Variants in KAZN observed in about 807,000 individuals in gnomAD.
KAZN encodes the protein kazrin.
In KAZN, 40 loss-of-function variants were observed where a neutral mutation model predicts 87.4. That is an observed-to-expected ratio of 0.46 (90% CI 0.36 to 0.60). The LOEUF (loss-of-function observed/expected upper bound fraction) is 0.60, where lower values mean the gene tolerates loss of function less well. Among genes scored for constraint, KAZN ranks in the 20% least tolerant of loss-of-function variants. The pLI is 0.00. For missense variants in KAZN, 898 were observed against 1,073.9 expected (o/e 0.84, Z 2.29); for synonymous variants, 466 against 458.3 (o/e 1.02, Z -0.22).
chr1:14,754,114 G>C (rs896515224), intron 1 of KAZN, among the ~76,000 whole-genome samples: 1 of 152,194 alleles, frequency 6.6e-6, no homozygotes, highest in Non-Finnish European at 1.5e-5. Context: ...CTCCAGCCAC[G>C]GGGAAGAGTT....
intron 2 of KAZN, among the ~76,000 whole-genome samples, chr1:15,006,718 C>T (rs977976261): frequency 6.6e-6 from 1 of 152,056 alleles, no homozygotes; most frequent in African/African-American, 2.4e-5. Flanking sequence ...AAAAATAAAG[C>T]CAGGAAGAAG....
chr1:14,294,754 A>G (rs1333330829), intron 2 of KAZN, among the ~76,000 whole-genome samples: 6 of 151,080 alleles, frequency 4.0e-5, no homozygotes, highest in Non-Finnish European at 8.9e-5. Flanking sequence ...TAAAATGCCT[A>G]AAACCCCACG....
At chr1:14,806,848 TAC>T (rs1646239192) in intron 1 of KAZN, among the ~76,000 whole-genome samples, 2 of 152,182 alleles carry the variant, frequency 1.3e-5, no homozygotes, top group African/African-American at 4.8e-5. Flanking sequence ...GTAACATTTG[TAC>T]CCACTCTGCA....
intron 2 of KAZN, among the ~76,000 whole-genome samples, chr1:14,197,808 C>T (rs966476464): frequency 5.3e-5 from 8 of 152,030 alleles, no homozygotes; most frequent in African/African-American, 1.9e-4. Context: ...TGATAGATTC[C>T]CCCAGAAAAA....
At chr1:14,377,369 A>G (rs771232649) in intron 2 of KAZN, among the ~76,000 whole-genome samples, 8 of 152,222 alleles carry the variant, frequency 5.3e-5, no homozygotes, top group Non-Finnish European at 1.2e-4. Context: ...ACATCAGTGG[A>G]AAGACGGTGC....
At chr1:14,164,603 C>T (rs547846440) in intron 1 of KAZN, among the ~76,000 whole-genome samples, 10 of 145,274 alleles carry the variant, frequency 6.9e-5, no homozygotes, top group East Asian at 4.2e-4. Flanking sequence ...TGCAATGGCA[C>T]GATCTCGGCT....
At chr1:13,978,161 T>C (rs1369394979) in intron 1 of KAZN, among the ~76,000 whole-genome samples, 1 of 149,202 alleles carries the variant, frequency 6.7e-6, no homozygotes, top group Non-Finnish European at 1.5e-5. Context: ...AGGCAATTGT[T>C]GGATTCTTAA....
intron 2 of KAZN, among the ~76,000 whole-genome samples, chr1:14,200,484 A>C (rs1258030452): frequency 3.0e-4 from 46 of 152,204 alleles, no homozygotes; most frequent in Non-Finnish European, 7.3e-5. Flanking sequence ...CTTACTTGCT[A>C]ACATTTATTA....
In KAZN at chr1:15,069,647, A is replaced by T. The variant is rs72639873; in HGVS notation, c.1222+3894A>T. Reference sequence around the variant, plus strand: ...GTCTCAAAAAAATAAATAAATATTTAAAAAAGAATCTTCTCCAGGACCTTG... The same window carrying T: ...GTCTCAAAAAAATAAATAAATATTTTAAAAAGAATCTTCTCCAGGACCTTG... On this transcript the variant is annotated intron_variant, in intron 8 of 14. Transcript: ENST00000376030. Among the ~76,000 whole-genome samples the T allele has an allele frequency of 8.1e-3, 1,238 of 152,322 alleles. 29 individuals are homozygous for T. The highest frequency in any genetic ancestry group is 0.073 in the East Asian group (378 of 5,180).
chr1:15,060,449 C>G lies in KAZN; in HGVS notation c.1047+147C>G, dbSNP rs1258483513. The G allele has an allele frequency of 2.2e-5, 24 of 1,111,760 alleles. No homozygotes were observed. In the South Asian group the frequency reaches 3.4e-4, roughly 16 times the overall value. 68.9% of individuals were successfully genotyped at this position (1,111,760 alleles called of 1,614,324 possible). The stretch of plus-strand genomic sequence containing the variant: ...AATGCATTTCCTGTTCTGTTCTTTC[C>G]TTTTGCAAGAAGCGATGGATGTGGG... On this transcript the variant is annotated intron_variant, in intron 6 of 14. Coordinates refer to ENST00000376030, the MANE Select transcript of KAZN (RefSeq NM_201628.3).
At chr1:14,800,860 C>T (rs1303835587) in intron 1 of KAZN, among the ~76,000 whole-genome samples, 3 of 151,982 alleles carry the variant, frequency 2.0e-5, no homozygotes, top group Non-Finnish European at 4.4e-5. Context: ...AAAGTAGCTT[C>T]GTAGTTGCCG....
At chr1:14,637,773 AT>A (rs1680104287) in intron 1 of KAZN, among the ~76,000 whole-genome samples, 1 of 151,748 alleles carries the variant, frequency 6.6e-6, no homozygotes, top group African/African-American at 2.4e-5. Context: ...AGATGTACAT[AT>A]ATATGTGTGT....
At chr1:14,233,174 C>G (rs1648032745) in intron 2 of KAZN, among the ~76,000 whole-genome samples, 1 of 152,188 alleles carries the variant, frequency 6.6e-6, no homozygotes, top group African/African-American at 2.4e-5. Flanking sequence ...CTCTGTCACT[C>G]AGGCTGGAGT....
intron 1 of KAZN, among the ~76,000 whole-genome samples, chr1:14,649,119 G>A (rs1300556734): frequency 6.6e-6 from 1 of 152,218 alleles, no homozygotes; most frequent in Admixed American, 6.5e-5. Context: ...CCCTGGTGCA[G>A]GCACCACATT....
chr1:14,976,133 G>C (rs1286338954), intron 2 of KAZN, among the ~76,000 whole-genome samples: 2 of 142,446 alleles, frequency 1.4e-5, no homozygotes, highest in Admixed American at 7.0e-5. Flanking sequence ...GCCTGTTGCT[G>C]TTGGTTTTGG....
chr1:14,624,726 A>G (rs1678985542), intron 1 of KAZN, among the ~76,000 whole-genome samples: 1 of 152,224 alleles, frequency 6.6e-6, no homozygotes, highest in Admixed American at 6.5e-5. Flanking sequence ...TCAGTGTGCC[A>G]AGTCATGGCT....
Position 15,003,005 on chromosome 1 carries a change from TACACAC to T in KAZN, c.419-31720_419-31715del, listed in dbSNP as rs113317563. On this transcript the variant is annotated intron_variant, in intron 2 of 14. Coordinates refer to ENST00000376030, the MANE Select transcript of KAZN (RefSeq NM_201628.3). ...AATAAAATAAAAATAAAAATAAACG[TACACAC>T]ACACACACACACACACACACACAAA... 1.5e-3 allele frequency among the ~76,000 whole-genome samples: 201 copies of T among 131,500 alleles called. 1 individual carries two copies. Among genetic ancestry groups the T allele is most frequent in the African/African-American group, 2.8e-3 (108 of 38,014 alleles). 86.3% of individuals were successfully genotyped at this position (131,500 alleles called of 152,430 possible).
rs70997121 is a variant in KAZN, at chr1:14,205,884, CA to C, written c.249+25314del. 3.8e-3 allele frequency among the ~76,000 whole-genome samples: 134 copies of C among 35,198 alleles called. 1 individual carries two copies. In the South Asian group the frequency reaches 0.068, roughly 18 times the overall value. 23.1% of individuals were successfully genotyped at this position (35,198 alleles called of 152,430 possible). The stretch of plus-strand genomic sequence containing the variant: ...CAGGCGACAGAGCAAGACACTGTCT[CA>C]AAAAAAAAAAAAAAAAAAAAAGCTA... On this transcript the variant is annotated intron_variant, in intron 2 of 16. Coordinates refer to the KAZN transcript ENST00000636203.
chr1:14,731,370 G>A lies in KAZN; in HGVS notation c.226+132147G>A, dbSNP rs138734414. Among the ~76,000 whole-genome samples, 236 of 152,298 alleles carry A rather than the reference G, an allele frequency of 1.5e-3. 1 individual carries two copies. The highest frequency in any genetic ancestry group is 5.6e-3 in the African/African-American group (231 of 41,556). ...GCCAACAGTCAAGATGCCCAAGCCA[G>A]CTTGGCTGGGCAGTGGGCTAAGGGT... On this transcript the variant is annotated intron_variant, in intron 1 of 14. Coordinates refer to ENST00000376030, the MANE Select transcript of KAZN (RefSeq NM_201628.3).
Sources: allele counts gnomAD v4.1 joint callset (sites outside exome capture counted in the v4.1 genomes callset), GRCh38; gene constraint gnomAD v4.1.1; transcripts MANE v1.5; gene names NCBI Gene and HGNC (gene_info 2026-07-23, HGNC 2026-07-21).